The following RABGAP1L variants were observed in gnomAD, a reference collection of about 807,000 sequenced individuals.
RABGAP1L encodes rab GTPase-activating protein 1-like.
Under a neutral mutation model 137.7 loss-of-function variants are expected in RABGAP1L, and 63 were observed. The ratio of observed to expected loss-of-function variants is 0.46; its 90% confidence interval spans 0.37 to 0.56. The LOEUF (loss-of-function observed/expected upper bound fraction) is 0.56, where lower values mean the gene tolerates loss of function less well. RABGAP1L is among the 20% of genes least tolerant of loss of function. RABGAP1L has a pLI of 0.00. For missense variants in RABGAP1L, 1,095 were observed against 1,244.0 expected (o/e 0.88, Z 1.80); for synonymous variants, 431 against 433.7 (o/e 0.99, Z 0.08).
intron 18 of RABGAP1L, among the ~76,000 whole-genome samples, chr1:174,784,004 T>C (rs1388531404): frequency 7.1e-6 from 1 of 141,778 alleles, no homozygotes; most frequent in East Asian, 2.1e-4. Context: ...TTTTTCTTCT[T>C]CTTCTTCTTT....
chr1:174,579,935 A>G (rs1668615206), intron 13 of RABGAP1L, among the ~76,000 whole-genome samples: 1 of 152,014 alleles, frequency 6.6e-6, no homozygotes, highest in Non-Finnish European at 1.5e-5. Flanking sequence ...TAATTTTTCT[A>G]TTTTTGGTAG....
intron 15 of RABGAP1L, among the ~76,000 whole-genome samples, chr1:174,684,182 C>T (rs1234217480): frequency 6.6e-6 from 1 of 152,126 alleles, no homozygotes; most frequent in Admixed American, 6.6e-5. Context: ...AATACATACT[C>T]ATTAAATAAC....
At chr1:174,350,550 G>A (rs79794267) in intron 11 of RABGAP1L, among the ~76,000 whole-genome samples, 5,139 of 125,338 alleles carry the variant, frequency 0.041, no homozygotes, top group African/African-American at 0.12. Flanking sequence ...GGGAAGAGGC[G>A]CTCCTCACTT....
At chr1:174,803,180 G>T (rs1375509193) in intron 18 of RABGAP1L, among the ~76,000 whole-genome samples, 1 of 152,148 alleles carries the variant, frequency 6.6e-6, no homozygotes, top group Non-Finnish European at 1.5e-5. Context: ...TTCACAGAGG[G>T]ATCGTCAAAC....
chr1:174,358,761 A>G (rs1396227263), intron 11 of RABGAP1L, among the ~76,000 whole-genome samples: 4 of 152,176 alleles, frequency 2.6e-5, no homozygotes, highest in African/African-American at 9.7e-5. Context: ...TTTCCAAGGC[A>G]TACATTTTTC....
intron 13 of RABGAP1L, among the ~76,000 whole-genome samples, chr1:174,487,132 A>G (rs1659748525): frequency 6.6e-6 from 1 of 152,174 alleles, no homozygotes; most frequent in Non-Finnish European, 1.5e-5. Flanking sequence ...AATATCTAGT[A>G]GGTTCATTTG....
chr1:174,766,309 C>G (rs1685668036), intron 18 of RABGAP1L, among the ~76,000 whole-genome samples: 1 of 152,202 alleles, frequency 6.6e-6, no homozygotes, highest in Non-Finnish European at 1.5e-5. Flanking sequence ...ACACCTTCAT[C>G]CTTTAGCACA....
intron 18 of RABGAP1L, among the ~76,000 whole-genome samples, chr1:174,780,984 G>A (rs1686959288): frequency 1.3e-5 from 2 of 151,842 alleles, no homozygotes; most frequent in African/African-American, 2.4e-5. Context: ...GGACATTTGG[G>A]TTGGTTCCAA....
In RABGAP1L at chr1:174,626,713, A is replaced by G. The variant is rs572619324; in HGVS notation, c.1711-10662A>G. Reference sequence around the variant, plus strand: ...GCTGGCAATGATCCAGCCCTTTTGTATTATTGTCTCTAGTTCATGATTTTA... The same window carrying G: ...GCTGGCAATGATCCAGCCCTTTTGTGTTATTGTCTCTAGTTCATGATTTTA... On this transcript the variant is annotated intron_variant, in intron 13 of 25. Coordinates refer to ENST00000681986, the MANE Select transcript of RABGAP1L (RefSeq NM_001366446.1). Among the ~76,000 whole-genome samples, 15 of 152,256 alleles carry G rather than the reference A, an allele frequency of 9.9e-5. 1 individual carries two copies. The South Asian group carries it at 3.1e-3, about 32-fold the overall frequency.
chr1:174,865,677 T>C (rs1651081978), intron 19 of RABGAP1L, among the ~76,000 whole-genome samples: 1 of 152,164 alleles, frequency 6.6e-6, no homozygotes, highest in South Asian at 2.1e-4. Flanking sequence ...AACTTGTGCC[T>C]GTGGTCCCAC....
chr1:174,883,776 C>T (rs1464389474), intron 19 of RABGAP1L, among the ~76,000 whole-genome samples: 2 of 152,172 alleles, frequency 1.3e-5, no homozygotes, highest in African/African-American at 4.8e-5. Flanking sequence ...TGGACTTAGA[C>T]ACTTGACAGT....
intron 13 of RABGAP1L, among the ~76,000 whole-genome samples, chr1:174,399,093 T>C (rs1230557086): frequency 6.6e-6 from 1 of 152,166 alleles, no homozygotes; most frequent in Non-Finnish European, 1.5e-5. Context: ...TCTAATCATG[T>C]GCGTTTATTC....
rs181925227 is a variant in RABGAP1L, at chr1:174,198,249, G to A, written c.-33-20876G>A. Among the ~76,000 whole-genome samples, 179 of 152,250 alleles carry A rather than the reference G, an allele frequency of 1.2e-3. 1 individual carries two copies. Among genetic ancestry groups the A allele is most frequent in the African/African-American group, 4.2e-3 (175 of 41,544 alleles). ...ATATTCATGCTGTAATGATAAAAAT[G>A]TCCAAATCCATAGTGTATATGGTTT... On this transcript the variant is annotated intron_variant, in intron 1 of 25. Transcript: ENST00000681986.
intron 19 of RABGAP1L, among the ~76,000 whole-genome samples, chr1:174,819,156 C>T (rs781051862): frequency 2.8e-5 from 4 of 142,092 alleles, no homozygotes; most frequent in Non-Finnish European, 4.5e-5. Context: ...GCATTCCAGC[C>T]CAGGTGACAG....
At chr1:174,741,040 G>GTTT (rs1234675421) in intron 17 of RABGAP1L, among the ~76,000 whole-genome samples, 1 of 114,886 alleles carries the variant, frequency 8.7e-6, no homozygotes, top group African/African-American at 4.3e-5. Flanking sequence ...TGATTTTTTT[G>GTTT]TTTTGTTTTT....
intron 18 of RABGAP1L, among the ~76,000 whole-genome samples, chr1:174,795,389 C>T (rs1688171419): frequency 6.6e-6 from 1 of 152,094 alleles, no homozygotes; most frequent in East Asian, 1.9e-4. Context: ...GGAGATGGCA[C>T]CAAGAAAGAG....
At chr1:174,299,969 G>A (rs1677513199) in intron 10 of RABGAP1L, among the ~76,000 whole-genome samples, 1 of 152,162 alleles carries the variant, frequency 6.6e-6, no homozygotes, top group African/African-American at 2.4e-5. Context: ...GGTGGTTACA[G>A]TTAGAAACAC....
At chr1:174,884,898 C>G (rs1012164832) in intron 19 of RABGAP1L, among the ~76,000 whole-genome samples, 1 of 152,234 alleles carries the variant, frequency 6.6e-6, no homozygotes, top group East Asian at 1.9e-4. Flanking sequence ...ATCTGAATCA[C>G]AACTCCATAT....
chr1:174,599,518 A>G (rs1159268639), intron 13 of RABGAP1L, among the ~76,000 whole-genome samples: 5 of 152,122 alleles, frequency 3.3e-5, no homozygotes, highest in African/African-American at 4.8e-5. Flanking sequence ...TTCTTGTAGG[A>G]TAGGTCAGCA....
Sources: allele counts gnomAD v4.1 joint callset (sites outside exome capture counted in the v4.1 genomes callset), GRCh38; gene constraint gnomAD v4.1.1; transcripts MANE v1.5; gene names NCBI Gene and HGNC (gene_info 2026-07-23, HGNC 2026-07-21).